Variants in LOC128125818 observed in about 807,000 individuals in gnomAD.
At chr4:6,069,176 C>T in the LOC128125818 span, among the ~76,000 whole-genome samples, 1 of 152,110 alleles carries the variant, frequency 6.6e-6, no homozygotes, top group Admixed American at 6.5e-5. This position sits in a 1 kb window ranked among gnomAD's most constrained non-coding sequence, Gnocchi z 4.5. Context: ...GAGGGGAGAA[C>T]CGCCCAGAAA....
chr4:6,066,656 C>T, the LOC128125818 span, among the ~76,000 whole-genome samples: 1 of 150,830 alleles, frequency 6.6e-6, no homozygotes, highest in East Asian at 1.9e-4. Context: ...CTGTCTTCTC[C>T]ACCTCTCATG....
the LOC128125818 span, among the ~76,000 whole-genome samples, chr4:6,066,298 G>A: frequency 6.6e-6 from 1 of 152,138 alleles, no homozygotes. Context: ...CAGACATAAG[G>A]CAAGGAAGAA....
chr4:6,066,802 C>G, the LOC128125818 span, among the ~76,000 whole-genome samples: 1 of 152,144 alleles, frequency 6.6e-6, no homozygotes, highest in African/African-American at 2.4e-5. Context: ...TTAAAACCAC[C>G]AACATCCAGG....
chr4:6,067,749 C>CACA, the LOC128125818 span, among the ~76,000 whole-genome samples: 1 of 148,208 alleles, frequency 6.7e-6, no homozygotes, highest in African/African-American at 2.5e-5. The surrounding 1 kb of genome is among the most constrained non-coding windows in gnomAD (Gnocchi z 4.6). Context: ...CTTCTGCACA[C>CACA]GCAGGTCACC....
the LOC128125818 span, among the ~76,000 whole-genome samples, chr4:6,066,240 G>GA: frequency 6.6e-6 from 1 of 152,072 alleles, no homozygotes; most frequent in East Asian, 1.9e-4. Context: ...GTAAATGTGA[G>GA]AAAAATGTGA....
chr4:6,068,572 T>TC, the LOC128125818 span, among the ~76,000 whole-genome samples: 1 of 151,110 alleles, frequency 6.6e-6, no homozygotes, highest in African/African-American at 2.4e-5. Flanking sequence ...TTTTTTTTTT[T>TC]TTTGAGACAG....
At chr4:6,069,032 T>TA in the LOC128125818 span, among the ~76,000 whole-genome samples, 2 of 152,108 alleles carry the variant, frequency 1.3e-5, no homozygotes, top group African/African-American at 4.8e-5. This position sits in a 1 kb window ranked among gnomAD's most constrained non-coding sequence, Gnocchi z 4.5. Context: ...TCTTTATTAA[T>TA]AAAAAATAGA....
the LOC128125818 span, among the ~76,000 whole-genome samples, chr4:6,069,471 G>A: frequency 7.9e-5 from 12 of 152,268 alleles, no homozygotes; most frequent in Middle Eastern, 3.4e-3. This position sits in a 1 kb window ranked among gnomAD's most constrained non-coding sequence, Gnocchi z 4.5. Flanking sequence ...AGTTTTGGCC[G>A]GGCACAGTGG....
chr4:6,067,111 A>C, the LOC128125818 span, among the ~76,000 whole-genome samples: 1 of 151,888 alleles, frequency 6.6e-6, no homozygotes, highest in African/African-American at 2.4e-5. The surrounding 1 kb of genome is among the most constrained non-coding windows in gnomAD (Gnocchi z 4.6). Context: ...TCCATAGCAC[A>C]TCTCCCCGCT....
At chr4:6,069,098 T>C in the LOC128125818 span, among the ~76,000 whole-genome samples, 3 of 152,204 alleles carry the variant, frequency 2.0e-5, no homozygotes, top group African/African-American at 4.8e-5. The surrounding 1 kb of genome is among the most constrained non-coding windows in gnomAD (Gnocchi z 4.5). Context: ...TTGAAGGCAA[T>C]GCAACTGGTT....
the LOC128125818 span, chr4:6,065,076 G>T: frequency 1.3e-6 from 2 of 1,593,292 alleles, no homozygotes; most frequent in Admixed American, 3.3e-5. This position sits in a 1 kb window ranked among gnomAD's most constrained non-coding sequence, Gnocchi z 5.1. Context: ...GTCCCTGGTC[G>T]TGGGCATGCC....
At chr4:6,068,287 C>T in the LOC128125818 span, among the ~76,000 whole-genome samples, 2 of 152,190 alleles carry the variant, frequency 1.3e-5, no homozygotes, top group Non-Finnish European at 2.9e-5. Flanking sequence ...TAGCAAACAG[C>T]CTAACTCCAG....
the LOC128125818 span, chr4:6,065,060 C>T: frequency 6.2e-7 from 1 of 1,610,306 alleles, no homozygotes. The surrounding 1 kb of genome is among the most constrained non-coding windows in gnomAD (Gnocchi z 5.1). Context: ...TTGCCAGAGT[C>T]TACCAGTCCC....
At chr4:6,066,912 A>C in the LOC128125818 span, among the ~76,000 whole-genome samples, 9 of 151,926 alleles carry the variant, frequency 5.9e-5, no homozygotes, top group East Asian at 5.8e-4. Context: ...TCTGCACCCC[A>C]CACACACCTG....
the LOC128125818 span, among the ~76,000 whole-genome samples, chr4:6,066,662 T>C: frequency 6.7e-6 from 1 of 149,888 alleles, no homozygotes; most frequent in Non-Finnish European, 1.5e-5. Context: ...TCTCCACCTC[T>C]CATGCCTGCC....
chr4:6,065,385 C>CATG, the LOC128125818 span, among the ~76,000 whole-genome samples: 5 of 152,324 alleles, frequency 3.3e-5, no homozygotes, highest in Admixed American at 6.5e-5. This position sits in a 1 kb window ranked among gnomAD's most constrained non-coding sequence, Gnocchi z 5.1. Flanking sequence ...GAAAGCAGCC[C>CATG]AGCACTCCGT....
chr4:6,069,177 C>T, the LOC128125818 span, among the ~76,000 whole-genome samples: 7 of 152,032 alleles, frequency 4.6e-5, no homozygotes, highest in Non-Finnish European at 1.0e-4. This position sits in a 1 kb window ranked among gnomAD's most constrained non-coding sequence, Gnocchi z 4.5. Context: ...AGGGGAGAAC[C>T]GCCCAGAAAA....
the LOC128125818 span, among the ~76,000 whole-genome samples, chr4:6,068,128 A>T: frequency 2.0e-5 from 3 of 152,214 alleles, no homozygotes; most frequent in Admixed American, 6.5e-5. Flanking sequence ...TACCAGTTAA[A>T]GACTCAACTC....
the LOC128125818 span, among the ~76,000 whole-genome samples, chr4:6,066,890 C>A: frequency 1.3e-5 from 2 of 152,010 alleles, no homozygotes; most frequent in South Asian, 4.2e-4. Context: ...CTCTCCTCCT[C>A]CGCTCCAGGC....
Sources: allele counts gnomAD v4.1 joint callset (sites outside exome capture counted in the v4.1 genomes callset), GRCh38; gene constraint gnomAD v4.1.1; non-coding constraint Gnocchi (gnomAD v3.1); transcripts MANE v1.5.